Variants in CTNND2 observed in about 807,000 individuals in gnomAD.
The protein encoded by CTNND2 is catenin delta-2.
Under a neutral mutation model 144.4 loss-of-function variants are expected in CTNND2, and 22 were observed. That is an observed-to-expected ratio of 0.15 (90% CI 0.11 to 0.22). The LOEUF (loss-of-function observed/expected upper bound fraction) is 0.22. Among genes scored for constraint, CTNND2 ranks in the 10% least tolerant of loss-of-function variants. The pLI, the probability that CTNND2 is intolerant of heterozygous loss-of-function variation, is 1.00. For missense variants in CTNND2, 1,353 were observed against 1,618.8 expected, an observed-to-expected ratio of 0.84 and a Z score of 2.82; for synonymous variants, 751 against 695.6, an observed-to-expected ratio of 1.08 and a Z score of -1.25.
At chr5:11,353,038 A>C (rs1210272497) in intron 8 of CTNND2, among the ~76,000 whole-genome samples, 2 of 151,508 alleles carry the variant, frequency 1.3e-5, no homozygotes, top group African/African-American at 4.8e-5. Context: ...GTCACGATGA[A>C]TGATGAAGAG....
chr5:11,496,686 T>G (rs2150001792), intron 3 of CTNND2, among the ~76,000 whole-genome samples: 1 of 152,324 alleles, frequency 6.6e-6, no homozygotes, highest in South Asian at 2.1e-4. Context: ...TTGGCAAATT[T>G]TGCATCTACT....
chr5:11,869,366 T>G (rs1795921548), intron 1 of CTNND2, among the ~76,000 whole-genome samples: 1 of 152,262 alleles, frequency 6.6e-6, no homozygotes. Flanking sequence ...ATGTGGTTTA[T>G]TCATACAATG....
chr5:11,547,572 A>T (rs1409629141), intron 3 of CTNND2, among the ~76,000 whole-genome samples: 1 of 152,160 alleles, frequency 6.6e-6, no homozygotes, highest in Non-Finnish European at 1.5e-5. Context: ...CTAAAATAAA[A>T]GACAAACCAC....
At chr5:11,067,595 C>T (rs913758378) in intron 16 of CTNND2, among the ~76,000 whole-genome samples, 5 of 152,308 alleles carry the variant, frequency 3.3e-5, no homozygotes, top group East Asian at 1.9e-4. Context: ...GTCTAACCAC[C>T]TTGGTCACGT....
chr5:11,379,798 T>G (rs941009173), intron 7 of CTNND2, among the ~76,000 whole-genome samples: 1 of 152,124 alleles, frequency 6.6e-6, no homozygotes, highest in African/African-American at 2.4e-5. Flanking sequence ...AGAACAAAGT[T>G]TCTAACAAGC....
At chr5:11,467,121 T>C (rs551363963) in intron 3 of CTNND2, among the ~76,000 whole-genome samples, 51 of 152,320 alleles carry the variant, frequency 3.3e-4, no homozygotes, top group African/African-American at 1.2e-3. Flanking sequence ...CTGGTGCCCA[T>C]ACCATCATCT....
chr5:11,385,753 C>T (rs1759023864), intron 6 of CTNND2: 1 of 152,078 alleles, frequency 6.6e-6, no homozygotes, highest in African/African-American at 2.4e-5. Context: ...AAACATACTT[C>T]TTACAGTTTA....
At chr5:11,074,910 A>C (rs1748761217) in intron 16 of CTNND2, among the ~76,000 whole-genome samples, 1 of 152,232 alleles carries the variant, frequency 6.6e-6, no homozygotes, top group Admixed American at 6.5e-5. Flanking sequence ...CATTGTGGTA[A>C]GTAAAGGAAG....
At chr5:11,407,304 G>T (rs950603648) in intron 5 of CTNND2, among the ~76,000 whole-genome samples, 9 of 152,148 alleles carry the variant, frequency 5.9e-5, no homozygotes, top group African/African-American at 2.2e-4. Flanking sequence ...AACAATATTT[G>T]TTAAAATTGA....
At chr5:11,293,804 T>C (rs947904823) in intron 9 of CTNND2, among the ~76,000 whole-genome samples, 19 of 144,532 alleles carry the variant, frequency 1.3e-4, no homozygotes, top group African/African-American at 4.2e-4. Context: ...CCACATTTCT[T>C]GGAGTCTTTT....
chr5:11,017,007 C>T (rs534059506), intron 18 of CTNND2, among the ~76,000 whole-genome samples: 1 of 152,020 alleles, frequency 6.6e-6, no homozygotes, highest in East Asian at 1.9e-4. Flanking sequence ...AAACTCCTGA[C>T]CTCAGGTGAT....
At chr5:11,738,786 T>C (rs1581801313) in intron 1 of CTNND2, among the ~76,000 whole-genome samples, 2 of 152,114 alleles carry the variant, frequency 1.3e-5, no homozygotes, top group Non-Finnish European at 2.9e-5. Flanking sequence ...CCTCTCCAAT[T>C]TTCCAGTAAG....
chr5:11,606,996 A>G (rs1204067674), intron 2 of CTNND2, among the ~76,000 whole-genome samples: 1 of 152,208 alleles, frequency 6.6e-6, no homozygotes, highest in Non-Finnish European at 1.5e-5. Flanking sequence ...ATCCAATATG[A>G]CCAGCATCCT....
At chr5:11,175,370 C>T (rs1012791533) in intron 11 of CTNND2, among the ~76,000 whole-genome samples, 1 of 152,056 alleles carries the variant, frequency 6.6e-6, no homozygotes, top group Non-Finnish European at 1.5e-5. Flanking sequence ...TAAAATCACC[C>T]AGAGATAATG....
chr5:11,741,313 C>T (rs529093611), intron 1 of CTNND2, among the ~76,000 whole-genome samples: 2 of 152,236 alleles, frequency 1.3e-5, no homozygotes, highest in East Asian at 1.9e-4. Context: ...GACTTGAAAC[C>T]AACCCATATG....
intron 21 of CTNND2, among the ~76,000 whole-genome samples, chr5:10,974,434 T>G (rs1736198915): frequency 6.6e-6 from 1 of 152,240 alleles, no homozygotes; most frequent in Non-Finnish European, 1.5e-5. Flanking sequence ...AGACCACATT[T>G]TATTTATCCA....
chr5:11,145,302 A>G (rs957009624), intron 12 of CTNND2, among the ~76,000 whole-genome samples: 6 of 151,586 alleles, frequency 4.0e-5, no homozygotes, highest in Non-Finnish European at 8.8e-5. Flanking sequence ...TTTAAACTAA[A>G]GGTGGGATCT....
intron 3 of CTNND2, among the ~76,000 whole-genome samples, chr5:11,484,280 T>A (rs1768587441): frequency 6.6e-6 from 1 of 151,870 alleles, no homozygotes; most frequent in South Asian, 2.1e-4. Flanking sequence ...AAATGGAGAG[T>A]CTGTCCATCA....
chr5:11,317,562 C>A (rs1751638978), intron 9 of CTNND2, among the ~76,000 whole-genome samples: 1 of 152,044 alleles, frequency 6.6e-6, no homozygotes, highest in Non-Finnish European at 1.5e-5. Context: ...AAGTATATTT[C>A]TTGTGTTAAT....
Sources: gnomAD v4.1 joint callset for allele counts (sites outside exome capture counted in the v4.1 genomes callset) on GRCh38, gnomAD v4.1.1 for gene constraint, MANE v1.5 for transcripts, NCBI Gene and HGNC (gene_info 2026-07-23, HGNC 2026-07-21) for gene names.